S100A16: variants seen among roughly 807,000 people sequenced by gnomAD.
The protein encoded by S100A16 is protein S100-A16.
A neutral mutation model predicts 9.0 loss-of-function variants in S100A16; 8 were observed. The ratio of observed to expected loss-of-function variants is 0.89; its 90% CI spans 0.52 to 1.60. S100A16 has a LOEUF of 1.60. S100A16 is among the 40% of genes most tolerant of loss of function. The pLI is 0.00. For missense variants in S100A16, 138 were observed against 132.4 expected, an observed-to-expected ratio of 1.04 and a Z score of -0.21; for synonymous variants, 51 against 51.4, an observed-to-expected ratio of 0.99 and a Z score of 0.04.
chr1:153,607,671 C>T lies in S100A16; in HGVS notation c.175G>A (p.Ala59Thr). ...MLSDTGNRKA[A>T]DKLIQNLDAN... ...TCCAGGTTCTGGATGAGCTTATCCG[C>T]AGCCTTCCGGTTCCCTGTGTCCTGG... The change falls in exon 3 of 3, where the codon GCG becomes ACG. Residue 59 changes from alanine to threonine, a missense_variant. Coordinates refer to ENST00000368706, the MANE Select transcript of S100A16 (RefSeq NM_080388.3). The T allele has an allele frequency of 1.9e-6, 3 of 1,614,204 alleles. No individual in the cohort carries two copies. The highest frequency in any genetic ancestry group is 2.5e-6 in the Non-Finnish European group (3 of 1,180,026).
At chr1:153,611,265 C>G (rs1466330628) in intron 1 of S100A16, among the ~76,000 whole-genome samples, 1 of 149,064 alleles carries the variant, frequency 6.7e-6, no homozygotes, top group Non-Finnish European at 1.5e-5. Flanking sequence ...GCTCCACGCC[C>G]TCCAAATGCC....
At chr1:153,609,430 G>T in intron 1 of S100A16, 1 of 914,814 alleles carries the variant, frequency 1.1e-6, no homozygotes. Context: ...AGCCTGCCTT[G>T]ACCCCTGCAC....
Position 153,607,585 on chromosome 1 carries a change from G to A in S100A16, c.261C>T (p.Thr87=), listed in dbSNP as rs542787376. The change falls in exon 3 of 3, where the codon ACC becomes ACT. Residue 87 remains threonine (T), a synonymous_variant. Coordinates refer to ENST00000368706, the MANE Select transcript of S100A16 (RefSeq NM_080388.3). ...DEYWTLIGGI[T]GPIAKLIHEQ... ...CATGGATGAGTTTGGCGATGGGGCC[G>A]GTGATGCCGCCTATCAAGGTCCAGT... 128 of 1,614,212 alleles carry A rather than the reference G, an allele frequency of 7.9e-5. No individual in the cohort carries two copies. In the South Asian group the frequency reaches 1.1e-3, roughly 14 times the overall value.
chr1:153,608,875 A>C (rs1187249488), intron 1 of S100A16: 2 of 974,790 alleles, frequency 2.1e-6, no homozygotes, highest in East Asian at 2.3e-4. Flanking sequence ...GGACCCAAGA[A>C]CACCCCCACC....
rs764312283 is a variant in S100A16 at position 153,607,651 on chromosome 1, G to T, written c.195C>A (p.Asn65Lys). The T allele has an allele frequency of 2.3e-5, 37 of 1,614,072 alleles. No homozygotes were observed. Among genetic ancestry groups the T allele is most frequent in the Non-Finnish European group, 3.1e-5 (36 of 1,180,014 alleles). The change falls in exon 3 of 3, where the codon AAC (asparagine) becomes AAA (lysine). Residue 65 changes from asparagine to lysine, a missense_variant. Physicochemically the swap from Asn to Lys is moderately conservative, Grantham distance 94 (BLOSUM62 0). Transcript: ENST00000368706. ...TGCGCCCATCATGATTGGCATCCAG[G>T]TTCTGGATGAGCTTATCCGCAGCCT... ...NRKAADKLIQNLDANHDGRIS... is the reference protein window; with the variant it reads ...NRKAADKLIQKLDANHDGRIS...
chr1:153,608,328 G>C (rs1666748850), intron 1 of S100A16, 151 bp from the exon 2 acceptor site: 8 of 641,282 alleles, frequency 1.2e-5, no homozygotes, highest in Admixed American at 2.9e-5. Flanking sequence ...CAGAGTGGGT[G>C]GGGGAGAGTG....
rs1261228710 is a variant in S100A16 at position 153,611,090 on chromosome 1, T to C, written c.-27+1862A>G. On this transcript the variant is annotated intron_variant, in intron 1 of 2. Transcript: ENST00000368706. Reference sequence around the variant, plus strand: ...TCCAGCCCTACCCCAATGTTCTCATTGTCTTCCCCTTGGCTGATTCATCAT... The same window carrying C: ...TCCAGCCCTACCCCAATGTTCTCATCGTCTTCCCCTTGGCTGATTCATCAT... Among the ~76,000 whole-genome samples, 4 of 151,676 alleles carry C rather than the reference T, an allele frequency of 2.6e-5. No individual in the cohort carries two copies. The East Asian group carries it at 7.8e-4, about 29-fold the overall frequency.
chr1:153,609,122 C>G (rs1666776689), intron 1 of S100A16: 1 of 985,692 alleles, frequency 1.0e-6, no homozygotes, highest in African/African-American at 1.7e-5. Context: ...CAACCCCAGG[C>G]AAATCAGACT....
chr1:153,607,468 G>A lies in S100A16; in HGVS notation c.*66C>T, dbSNP rs1260455486. On this transcript the variant is annotated 3_prime_UTR_variant, in exon 3 of 3. Coordinates refer to ENST00000368706, the MANE Select transcript of S100A16 (RefSeq NM_080388.3). ...CTGGGTGGGCAGGAGGCTGAGGAGG[G>A]AGCCTGGGGAGAGCACCAGGGCGGG... 1.9e-6 allele frequency: 3 copies of A among 1,588,784 alleles called. No homozygotes were observed. The Admixed American group carries it at 5.0e-5, about 27-fold the overall frequency.
At chr1:153,607,864 GT>G in intron 2 of S100A16, 134 bp downstream of exon 2, 1 of 1,175,070 alleles carries the variant, frequency 8.5e-7, no homozygotes, top group Non-Finnish European at 1.2e-6. Context: ...AGGCCTGGGG[GT>G]GTAGAAGACC....
rs183612045 is a variant in S100A16 at position 153,609,011 on chromosome 1, T to A, written c.-26-834A>T. On this transcript the variant is annotated intron_variant, in intron 1 of 2. Coordinates refer to ENST00000368706, the MANE Select transcript of S100A16 (RefSeq NM_080388.3). ...CTCTCACCCCAGGACAAAAGACACT[T>A]TCTAAGCGGATACAGCCTTCTGAAT... 1.6e-5 allele frequency: 16 copies of A among 985,684 alleles called. No individual in the cohort carries two copies. The African/African-American group carries it at 2.8e-4, about 17-fold the overall frequency. 61.1% of individuals were successfully genotyped at this position (985,684 alleles called of 1,614,324 possible). A position where few individuals can be genotyped will look rare whatever the true frequency, so the allele number is the denominator to read the frequency against.
Position 153,608,118 on chromosome 1 carries a change from C to T in S100A16, c.34G>A (p.Val12Ile). 1 of 1,614,030 alleles carries T rather than the reference C, an allele frequency of 6.2e-7. No homozygotes were observed. Among genetic ancestry groups the T allele is most frequent in the Non-Finnish European group, 8.5e-7 (1 of 1,179,964 alleles). Reference sequence around the variant, plus strand: ...TAGAAGTTTTCCACCAGGACAATGACTGCCTTCTCCAGCTCCGTGTAGCAG... The same window carrying T: ...TAGAAGTTTTCCACCAGGACAATGATTGCCTTCTCCAGCTCCGTGTAGCAG... Reference protein sequence around the residue: ...SDCYTELEKAVIVLVENFYKY... With the variant: ...SDCYTELEKAIIVLVENFYKY... Residue 12 changes from valine (V) to isoleucine (I), a missense_variant, in exon 2 of 3, where the codon GTC (valine) becomes ATC (isoleucine). Physicochemically the swap from Val to Ile is conservative, Grantham distance 29. Transcript: ENST00000368706.
chr1:153,609,007 C>T (rs1319726142), intron 1 of S100A16: 1 of 985,664 alleles, frequency 1.0e-6, no homozygotes, highest in Non-Finnish European at 1.2e-6. Flanking sequence ...GGACAAAAGA[C>T]ACTTTCTAAG....
chr1:153,611,621 G>C (rs1446772936), intron 1 of S100A16, among the ~76,000 whole-genome samples: 5 of 151,890 alleles, frequency 3.3e-5, no homozygotes, highest in Admixed American at 6.6e-5. Context: ...TCACTCTCTT[G>C]CACATTCATT....
chr1:153,608,598 G>A (rs980987439), intron 1 of S100A16, among the ~76,000 whole-genome samples: 10 of 151,928 alleles, frequency 6.6e-5, no homozygotes, highest in Admixed American at 4.6e-4. Context: ...GAGCCATGGA[G>A]GTTAGGGGCA....
At chr1:153,612,585 G>A (rs1216896312) in intron 1 of S100A16, among the ~76,000 whole-genome samples, 1 of 152,078 alleles carries the variant, frequency 6.6e-6, no homozygotes, top group African/African-American at 2.4e-5. Context: ...CTGTGTCCAA[G>A]CTCTGACCAC....
At chr1:153,611,988 C>T (rs990520709) in intron 1 of S100A16, among the ~76,000 whole-genome samples, 1 of 151,348 alleles carries the variant, frequency 6.6e-6, no homozygotes, top group African/African-American at 2.4e-5. Flanking sequence ...ATCCCCTCTG[C>T]TTGGGTGACC....
chr1:153,611,167 C>T (rs1172959495), intron 1 of S100A16, among the ~76,000 whole-genome samples: 1 of 133,390 alleles, frequency 7.5e-6, no homozygotes, highest in Non-Finnish European at 1.6e-5. Context: ...GCCCAGCTTG[C>T]TGACTTCTCC....
At chr1:153,609,073 C>T (rs1666774411) in intron 1 of S100A16, 1 of 985,802 alleles carries the variant, frequency 1.0e-6, no homozygotes, top group African/African-American at 1.7e-5. Flanking sequence ...TCTGGATCTA[C>T]TCTGTGAGTC....
Sources: allele counts gnomAD v4.1 joint callset (sites outside exome capture counted in the v4.1 genomes callset), GRCh38; gene constraint gnomAD v4.1.1; transcripts MANE v1.5; gene names NCBI Gene and HGNC (gene_info 2026-07-23, HGNC 2026-07-21).